The following ETV1 variants were observed in gnomAD, a reference collection of about 807,000 sequenced individuals.
ETV1 encodes the protein ETS translocation variant 1.
In ETV1, 27 loss-of-function variants were observed where a neutral mutation model predicts 62.3. That is an observed-to-expected ratio of 0.43 (90% CI 0.32 to 0.60). The LOEUF is 0.60. Among genes scored for constraint, ETV1 ranks in the 20% least tolerant of loss-of-function variants. The pLI is 0.06. For missense variants in ETV1, 605 were observed against 605.8 expected, an observed-to-expected ratio of 1.00 and a Z score of 0.01; for synonymous variants, 222 against 199.6, an observed-to-expected ratio of 1.11 and a Z score of -0.94.
chr7:13,930,258 G>A (rs1785930019), intron 9 of ETV1, among the ~76,000 whole-genome samples: 1 of 152,166 alleles, frequency 6.6e-6, no homozygotes, highest in Admixed American at 6.5e-5. Context: ...AAACTCAGCA[G>A]GGTTAAGTAA....
At chr7:13,962,360 C>T (rs1205498700) in intron 6 of ETV1, among the ~76,000 whole-genome samples, 2 of 151,906 alleles carry the variant, frequency 1.3e-5, no homozygotes, top group Admixed American at 6.6e-5. Context: ...CTCAAGAGGC[C>T]TAGGTCCAAT....
chr7:13,902,748 C>T (rs1191640908), intron 12 of ETV1, among the ~76,000 whole-genome samples: 1 of 152,040 alleles, frequency 6.6e-6, no homozygotes, highest in Non-Finnish European at 1.5e-5. Context: ...CAGGATGCAC[C>T]TAGAAAATAA....
intron 3 of ETV1, chr7:13,988,668 A>G (rs768144249): frequency 5.8e-5 from 93 of 1,603,526 alleles, no homozygotes; most frequent in Non-Finnish European, 7.5e-5. Flanking sequence ...AAGTGTCAGC[A>G]TTTGTCTCAA....
At position 13,952,102 on chromosome 7, in the gene ETV1, G is replaced by A. The variant is rs565435203; in HGVS notation, c.236-12856C>T. Among the ~76,000 whole-genome samples, 3 of 152,222 alleles carry A rather than the reference G, an allele frequency of 2.0e-5. No homozygotes were observed. The South Asian group carries it at 6.2e-4, about 32-fold the overall frequency. ...AACGTCAGTTAGGACAAGGTATCCCGACAGAAGGAAAAAGCGAAAGGTGTG... is the reference window on the plus strand; with the variant it reads ...AACGTCAGTTAGGACAAGGTATCCCAACAGAAGGAAAAAGCGAAAGGTGTG... On this transcript the variant is annotated intron_variant, in intron 6 of 13. Coordinates refer to ENST00000430479, the MANE Select transcript of ETV1 (RefSeq NM_004956.5).
intron 6 of ETV1, among the ~76,000 whole-genome samples, chr7:13,958,528 G>A (rs1789755819): frequency 6.6e-6 from 1 of 152,156 alleles, no homozygotes; most frequent in Non-Finnish European, 1.5e-5. Flanking sequence ...AAGCACACAT[G>A]TATTAAAAAT....
intron 9 of ETV1, among the ~76,000 whole-genome samples, chr7:13,915,162 G>C (rs1784014528): frequency 6.6e-6 from 1 of 152,130 alleles, no homozygotes; most frequent in Non-Finnish European, 1.5e-5. Context: ...AGTATATAGT[G>C]CAAAGCTGGA....
intron 12 of ETV1, among the ~76,000 whole-genome samples, chr7:13,904,448 G>T (rs1225778802): frequency 1.3e-5 from 2 of 152,078 alleles, no homozygotes. Flanking sequence ...GAAACTTAAT[G>T]GTCATCTAGT....
chr7:13,958,413 G>A (rs534097961), intron 6 of ETV1, among the ~76,000 whole-genome samples: 87 of 152,224 alleles, frequency 5.7e-4, no homozygotes, highest in African/African-American at 2.0e-3. Context: ...CATTCTCTCT[G>A]ATGGACAGAG....
At chr7:13,936,070 C>A (rs182698266) in intron 7 of ETV1, among the ~76,000 whole-genome samples, 174 bp from the exon 8 acceptor site, 146 of 152,248 alleles carry the variant, frequency 9.6e-4, no homozygotes, top group African/African-American at 3.1e-3. Flanking sequence ...AATCACAACA[C>A]CCTTAAACAG....
At chr7:13,985,693 T>G (rs754854579) in intron 5 of ETV1, among the ~76,000 whole-genome samples, 5 of 152,188 alleles carry the variant, frequency 3.3e-5, no homozygotes, top group Non-Finnish European at 7.4e-5. Flanking sequence ...AATGCTTAAA[T>G]ATCTATAATT....
rs549846442 is a variant in ETV1, at chr7:13,892,977, G to A, written c.*2889C>T. The stretch of plus-strand genomic sequence containing the variant: ...TGTGGTAATTGGTTACAGCATCTAC[G>A]GGAAACTAGACCTCCAAGATCCGCC... On this transcript the variant is annotated 3_prime_UTR_variant, in exon 14 of 14. Transcript: ENST00000430479. The A allele has an allele frequency of 2.2e-5, 5 of 232,434 alleles. No individual in the cohort carries two copies. The highest frequency in any genetic ancestry group is 1.7e-4 in the Admixed American group (3 of 17,760). 14.4% of individuals were successfully genotyped at this position (232,434 alleles called of 1,614,324 possible).
intron 9 of ETV1, among the ~76,000 whole-genome samples, chr7:13,917,183 G>A (rs1021524135): frequency 3.3e-5 from 5 of 151,874 alleles, no homozygotes; most frequent in Admixed American, 2.0e-4. Flanking sequence ...TGATCTACTA[G>A]GCTCGCACTA....
intron 10 of ETV1, among the ~76,000 whole-genome samples, chr7:13,910,949 G>A (rs1227160408): frequency 6.6e-6 from 1 of 152,118 alleles, no homozygotes; most frequent in Non-Finnish European, 1.5e-5. Flanking sequence ...GTAGTAAAGT[G>A]GGCTAATCTA....
At chr7:13,899,749 C>T (rs2128404723) in intron 13 of ETV1, among the ~76,000 whole-genome samples, 1 of 152,200 alleles carries the variant, frequency 6.6e-6, no homozygotes, top group South Asian at 2.1e-4. Context: ...CACGTTTTAT[C>T]TTCATTCATT....
At chr7:13,949,237 G>C (rs1374087132) in intron 6 of ETV1, among the ~76,000 whole-genome samples, 1 of 152,066 alleles carries the variant, frequency 6.6e-6, no homozygotes, top group Non-Finnish European at 1.5e-5. Flanking sequence ...TTTAAGACCA[G>C]ATACAAGCAT....
intron 10 of ETV1, chr7:13,910,493 T>C (rs1463946053): frequency 1.3e-5 from 7 of 533,938 alleles, no homozygotes; most frequent in Non-Finnish European, 1.7e-5. Context: ...TCAAATATTT[T>C]ACATTTACCA....
In ETV1 at chr7:13,941,220, A is replaced by G. The variant is rs185231823; in HGVS notation, c.236-1974T>C. ...ACTTGAATTCTGATTTGAACAAACC[A>G]ACTATAAAAAGACAACTCTGCAATA... On this transcript the variant is annotated intron_variant, in intron 6 of 13. Coordinates refer to ENST00000430479, the MANE Select transcript of ETV1 (RefSeq NM_004956.5). 5.6e-3 allele frequency among the ~76,000 whole-genome samples: 846 copies of G among 152,334 alleles called. 7 individuals are homozygous for G. The highest frequency in any genetic ancestry group is 0.02 in the African/African-American group (813 of 41,572).
At chr7:13,937,693 T>G (rs925561143) in intron 7 of ETV1, among the ~76,000 whole-genome samples, 1 of 152,118 alleles carries the variant, frequency 6.6e-6, no homozygotes, top group African/African-American at 2.4e-5. Context: ...AAGGAGAAAA[T>G]GCAAAAACAA....
At chr7:13,989,892 A>G (rs1025900783), upstream of ETV1, 14 of 321,190 alleles carry the variant, frequency 4.4e-5, no homozygotes, top group Non-Finnish European at 7.3e-5. Flanking sequence ...AGCGCCACGG[A>G]GAGACTCGAT....
Sources: allele counts gnomAD v4.1 joint callset (sites outside exome capture counted in the v4.1 genomes callset), GRCh38; gene constraint gnomAD v4.1.1; transcripts MANE v1.5; gene names NCBI Gene and HGNC (gene_info 2026-07-23, HGNC 2026-07-21).